PCDHGA2: variants seen among roughly 807,000 people sequenced by gnomAD.
The protein encoded by PCDHGA2 is protocadherin gamma-A2.
PCDHGA2 carries 40 observed loss-of-function variants against 59.2 expected under a neutral mutation model. The observed-to-expected ratio is 0.68, with a 90% CI of 0.52 to 0.88. The LOEUF (loss-of-function observed/expected upper bound fraction) is 0.88. PCDHGA2 is among the 40% of genes least tolerant of loss of function. The pLI is 0.00. For missense variants in PCDHGA2, 1,226 were observed against 1,204.0 expected, an observed-to-expected ratio of 1.02 and a Z score of -0.27; for synonymous variants, 560 against 526.0, an observed-to-expected ratio of 1.06 and a Z score of -0.89.
rs777751826 is a variant in PCDHGA2, at chr5:141,371,625, G to T, written c.2424+30230G>T. 2.4e-5 allele frequency: 38 copies of T among 1,613,874 alleles called. No homozygotes were observed. The highest frequency in any genetic ancestry group is 3.3e-5 in the Admixed American group (2 of 60,014). ...CAGGTTGGTGACAGATGGAGCCCTG[G>T]ACCGGGAGCAGATCCCAGAATACAA... On this transcript the variant is annotated intron_variant, in intron 1 of 3. Coordinates refer to ENST00000394576, the MANE Select transcript of PCDHGA2 (RefSeq NM_018915.4).
At chr5:141,502,377 C>A (rs748121694) in intron 2 of PCDHGA2, among the ~76,000 whole-genome samples, 14 of 151,904 alleles carry the variant, frequency 9.2e-5, no homozygotes, top group Non-Finnish European at 1.3e-4. Flanking sequence ...AGAGTCCAGG[C>A]CAGTTGTACT....
Position 141,491,968 on chromosome 5 carries a change from G to GC in PCDHGA2, c.2425-2837dup. On this transcript the variant is annotated intron_variant, in intron 1 of 3. Coordinates refer to ENST00000394576, the MANE Select transcript of PCDHGA2 (RefSeq NM_018915.4). The surrounding 1 kb of genome is among the most constrained non-coding windows in gnomAD (Gnocchi z 6.9). ...ACCCCTACACTCAAAAAAGGCCGGG[G>GC]CCTCCTTCGAGCTTCCGGTGAATTT... 1.1e-6 allele frequency: 1 copy of GC among 923,644 alleles called. No homozygotes were observed. Among genetic ancestry groups the GC allele is most frequent in the Admixed American group, 3.6e-5 (1 of 27,548 alleles). 57.2% of individuals were successfully genotyped at this position (923,644 alleles called of 1,614,324 possible).
At position 141,491,187 on chromosome 5, in the gene PCDHGA2, G is replaced by A. The variant is rs2099709293; in HGVS notation, c.2425-3620G>A. ...CCCAGCAGGTGGTGGTCCTGGTGAG[G>A]GACAATGGTGACCCTTCACTCTCCT... On this transcript the variant is annotated intron_variant, in intron 1 of 3. Coordinates refer to ENST00000394576, the MANE Select transcript of PCDHGA2 (RefSeq NM_018915.4). The surrounding 1 kb of genome is among the most constrained non-coding windows in gnomAD (Gnocchi z 6.9). The A allele has an allele frequency of 6.2e-7, 1 of 1,614,064 alleles. No homozygotes were observed. The highest frequency in any genetic ancestry group is 1.1e-5 in the South Asian group (1 of 91,080).
At chr5:141,390,008 C>G in intron 1 of PCDHGA2, 1 of 1,614,038 alleles carries the variant, frequency 6.2e-7, no homozygotes, top group South Asian at 1.1e-5. Context: ...TGATTCTGGC[C>G]ATTGCCTTGC....
chr5:141,343,941 C>T, intron 1 of PCDHGA2: 1 of 1,196,774 alleles, frequency 8.4e-7, no homozygotes, highest in Non-Finnish European at 1.2e-6. Flanking sequence ...TGAATTAGGC[C>T]CGTAAAAGAC....
In PCDHGA2 at chr5:141,355,471, G is replaced by C. The variant is rs1316340611; in HGVS notation, c.2424+14076G>C. 1.9e-6 allele frequency: 3 copies of C among 1,614,102 alleles called. No homozygotes were observed. Among genetic ancestry groups the C allele is most frequent in the East Asian group, 2.2e-5 (1 of 44,890 alleles). On this transcript the variant is annotated intron_variant, in intron 1 of 3. Coordinates refer to ENST00000394576, the MANE Select transcript of PCDHGA2 (RefSeq NM_018915.4). Reference sequence around the variant, plus strand: ...CACCTTGGTCACCGCGGGTAGGATAGACAGGGAGGAGCTCTGCGACAGATC... The same window carrying C: ...CACCTTGGTCACCGCGGGTAGGATACACAGGGAGGAGCTCTGCGACAGATC...
chr5:141,417,791 C>G, intron 1 of PCDHGA2: 1 of 1,482,658 alleles, frequency 6.7e-7, no homozygotes, highest in Non-Finnish European at 9.0e-7. Context: ...GCCGAATGCT[C>G]TTTTAGCGCG....
At chr5:141,469,543 C>G (rs1031152008) in intron 1 of PCDHGA2, among the ~76,000 whole-genome samples, 4 of 152,040 alleles carry the variant, frequency 2.6e-5, no homozygotes, top group Non-Finnish European at 4.4e-5. Flanking sequence ...CCACTGCACT[C>G]CAGCCTGGCG....
chr5:141,505,362 G>A (rs766427680), intron 2 of PCDHGA2, 31 bp from the exon 3 acceptor site: 1 of 1,613,966 alleles, frequency 6.2e-7, no homozygotes, highest in Non-Finnish European at 8.5e-7. Flanking sequence ...CGGCCTGGGA[G>A]TCTGTGCTCA....
chr5:141,486,654 T>C lies in PCDHGA2; in HGVS notation c.2425-8153T>C. ...TTGAATGCGCTTATCTCCTACTCAC[T>C]CCTGGAGCCCAGGAATCGAGATGTA... is the stretch of plus-strand genomic sequence containing the variant. On this transcript the variant is annotated intron_variant, in intron 1 of 3. Coordinates refer to ENST00000394576, the MANE Select transcript of PCDHGA2 (RefSeq NM_018915.4). The surrounding 1 kb of genome is among the most constrained non-coding windows in gnomAD (Gnocchi z 5.0). The C allele has an allele frequency of 2.5e-6, 4 of 1,613,922 alleles. No individual in the cohort carries two copies. Among genetic ancestry groups the C allele is most frequent in the Non-Finnish European group, 3.4e-6 (4 of 1,180,026 alleles).
At chr5:141,469,886 T>A (rs766990419) in intron 1 of PCDHGA2, among the ~76,000 whole-genome samples, 4 of 152,208 alleles carry the variant, frequency 2.6e-5, no homozygotes, top group Non-Finnish European at 4.4e-5. Context: ...ATCTCGGCAC[T>A]TTGGGAAGCC....
rs530622003 is a variant in PCDHGA2, at chr5:141,437,077, T to G, written c.2425-57730T>G. ...TGATCATTATTTGGTTTGGGCCATA[T>G]AAGAATTGAAACTAACGGCTTAGCT... On this transcript the variant is annotated intron_variant, in intron 1 of 3. Transcript: ENST00000394576. Among the ~76,000 whole-genome samples, 107 of 152,372 alleles carry G rather than the reference T, an allele frequency of 7.0e-4. 1 individual carries two copies. The highest frequency in any genetic ancestry group is 6.4e-3 in the South Asian group (31 of 4,828).
At chr5:141,404,484 C>G in intron 1 of PCDHGA2, 1 of 1,613,504 alleles carries the variant, frequency 6.2e-7, no homozygotes, top group East Asian at 2.2e-5. Context: ...AACTCAGACA[C>G]TGGTGTGCTG....
At chr5:141,408,929 A>G in intron 1 of PCDHGA2, 1 of 1,613,518 alleles carries the variant, frequency 6.2e-7, no homozygotes, top group Non-Finnish European at 8.5e-7. Context: ...CCCGGTTTTC[A>G]GCAGAGACGA....
Position 141,339,272 on chromosome 5 carries a change from C to A in PCDHGA2, c.301C>A (p.Pro101Thr), listed in dbSNP as rs770627865. Reference sequence around the variant, plus strand: ...GGAGGAGCTCTGCGCTCAGAGCGCACCCTGTCTGTTGAATTTTAACATTCT... The same window carrying A: ...GGAGGAGCTCTGCGCTCAGAGCGCAACCTGTCTGTTGAATTTTAACATTCT... The part of the protein sequence containing the change: ...DREELCAQSA[P>T]CLLNFNILLE... Residue 101 changes from proline to threonine, a missense_variant, in exon 1 of 4, where the codon CCC (proline) becomes ACC (threonine). Pro to Thr is a conservative substitution (Grantham distance 38). Transcript: ENST00000394576. 17 of 1,614,108 alleles carry A rather than the reference C, an allele frequency of 1.1e-5. No homozygotes were observed. Among genetic ancestry groups the A allele is most frequent in the African/African-American group, 2.7e-5 (2 of 74,948 alleles).
intron 1 of PCDHGA2, chr5:141,417,931 G>T (rs551432799): frequency 6.8e-6 from 11 of 1,611,382 alleles, no homozygotes; most frequent in Middle Eastern, 1.6e-4. Flanking sequence ...TGCTGCCTTT[G>T]TTCTACCCCA....
At chr5:141,422,936 C>A (rs1428873210) in intron 1 of PCDHGA2, 2 of 1,614,260 alleles carry the variant, frequency 1.2e-6, no homozygotes, top group East Asian at 4.5e-5. Flanking sequence ...GCCCTCCCCA[C>A]AGACGGCTCC....
intron 1 of PCDHGA2, chr5:141,378,041 T>C (rs1774568031): frequency 6.6e-6 from 1 of 152,220 alleles, no homozygotes; most frequent in Admixed American, 6.5e-5. Flanking sequence ...AACAAGACTT[T>C]CCTTATCTAT....
At chr5:141,475,829 G>A (rs1408248560) in intron 1 of PCDHGA2, 5 of 386,748 alleles carry the variant, frequency 1.3e-5, no homozygotes, top group Non-Finnish European at 2.3e-5. Flanking sequence ...GCGCTAGCGC[G>A]TGTCCTGCTC....
Sources: allele counts gnomAD v4.1 joint callset (sites outside exome capture counted in the v4.1 genomes callset), GRCh38; gene constraint gnomAD v4.1.1; non-coding constraint Gnocchi (gnomAD v3.1); transcripts MANE v1.5; gene names NCBI Gene and HGNC (gene_info 2026-07-23, HGNC 2026-07-21).